KIF1C: variants seen among roughly 807,000 people sequenced by gnomAD.
KIF1C encodes the protein kinesin-like protein KIF1C.
Under a neutral mutation model 126.5 loss-of-function variants are expected in KIF1C, and 61 were observed. The observed-to-expected ratio is 0.48, with a 90% confidence interval of 0.39 to 0.60. The LOEUF (loss-of-function observed/expected upper bound fraction) is 0.60. KIF1C is among the 20% of genes least tolerant of loss of function. KIF1C has a pLI of 0.00. For synonymous variants in KIF1C, 640 were observed against 580.6 expected (o/e 1.10, Z -1.47); for missense variants, 1,315 against 1,489.2 (o/e 0.88, Z 1.93).
chr17:5,015,581 GCT>G (rs1974955105), intron 18 of KIF1C, among the ~76,000 whole-genome samples: 1 of 82,066 alleles, frequency 1.2e-5, no homozygotes, highest in Non-Finnish European at 2.5e-5. Context: ...ACTGCCCCCA[GCT>G]TTTTTTTTTT....
chr17:5,007,292 C>G lies in KIF1C; in HGVS notation c.1365C>G (p.Asn455Lys). The stretch of plus-strand genomic sequence containing the variant: ...CAGAGAAGATTATAGCTGAGCTGAA[C>G]GAGACATGGGAGGAGAAGCTACGCA... ...QETEKIIAEL[N>K]ETWEEKLRKT... The change falls in exon 15 of 23, where the codon AAC becomes AAG. Residue 455 changes from asparagine to lysine, a missense_variant. Physicochemically the swap from Asn to Lys is moderately conservative, Grantham distance 94. Coordinates refer to ENST00000320785, the MANE Select transcript of KIF1C (RefSeq NM_006612.6). 6.2e-7 allele frequency: 1 copy of G among 1,611,636 alleles called. No individual in the cohort carries two copies. The highest frequency in any genetic ancestry group is 8.5e-7 in the Non-Finnish European group (1 of 1,178,900).
Position 5,020,725 on chromosome 17 carries a change from T to C in KIF1C, c.1937+47T>C. The C allele has an allele frequency of 6.2e-7, 1 of 1,610,042 alleles. No individual in the cohort carries two copies. Among genetic ancestry groups the C allele is most frequent in the Non-Finnish European group, 8.5e-7 (1 of 1,177,420 alleles). On this transcript the variant is annotated intron_variant, in intron 20 of 22. Coordinates refer to ENST00000320785, the MANE Select transcript of KIF1C (RefSeq NM_006612.6). This position sits in a 1 kb window ranked among gnomAD's most constrained non-coding sequence, Gnocchi z 5.8. ...GCCCCATGGCCGTCTAGGCCGTCCCTCCCGGGCCTCTGGGCCCGTGTCCTC... is the reference window on the plus strand; with the variant it reads ...GCCCCATGGCCGTCTAGGCCGTCCCCCCCGGGCCTCTGGGCCCGTGTCCTC...
chr17:5,024,223 TC>T lies in KIF1C; in HGVS notation c.*76del. ...AAGGGAAGACGCCCGAGACGCTGCTTCCCCAGAAGTGCTGGGGCAGGGAGGC... is the reference window on the plus strand; with the variant it reads ...AAGGGAAGACGCCCGAGACGCTGCTTCCCAGAAGTGCTGGGGCAGGGAGGC... On this transcript the variant is annotated 3_prime_UTR_variant, in exon 23 of 23. Transcript: ENST00000320785. 2.7e-6 allele frequency: 3 copies of T among 1,114,946 alleles called. No individual in the cohort carries two copies. The highest frequency in any genetic ancestry group is 1.5e-5 in the South Asian group (1 of 67,626). 69.1% of individuals were successfully genotyped at this position (1,114,946 alleles called of 1,614,324 possible).
intron 18 of KIF1C, among the ~76,000 whole-genome samples, chr17:5,015,388 A>G (rs1248257756): frequency 2.6e-5 from 4 of 151,526 alleles, no homozygotes; most frequent in South Asian, 4.1e-4. Context: ...GGTTCAAGCA[A>G]TTCTCCTGCC....
intron 18 of KIF1C, among the ~76,000 whole-genome samples, chr17:5,016,902 TC>T (rs1974982674): frequency 7.2e-6 from 1 of 138,692 alleles, no homozygotes. Flanking sequence ...TGAGACTGTT[TC>T]AAAAAAAAAA....
In KIF1C at chr17:5,020,802, C is replaced by G. The variant is rs4790725; in HGVS notation, c.1938-4C>G. 0.079 allele frequency: 125,705 copies of G among 1,594,942 alleles called. 5,480 individuals carry two copies. Among genetic ancestry groups the G allele is most frequent in the Middle Eastern group, 0.17 (1,014 of 6,036 alleles). ...CTCTTCCTTCCCTCCCTGTCCAATCCCAGGCTGCAGGATCTGGAGAATCAG... is the reference window on the plus strand; with the variant it reads ...CTCTTCCTTCCCTCCCTGTCCAATCGCAGGCTGCAGGATCTGGAGAATCAG... On this transcript the variant is annotated splice_region_variant and splice_polypyrimidine_tract_variant and intron_variant, in intron 20 of 22. Coordinates refer to ENST00000320785, the MANE Select transcript of KIF1C (RefSeq NM_006612.6). The surrounding 1 kb of genome is among the most constrained non-coding windows in gnomAD (Gnocchi z 5.8).
intron 18 of KIF1C, among the ~76,000 whole-genome samples, chr17:5,016,973 G>T (rs547908203): frequency 6.6e-6 from 1 of 151,800 alleles, no homozygotes; most frequent in South Asian, 2.1e-4. Context: ...CAAGGCAGTT[G>T]TTCTGGTCTG....
chr17:5,002,808 G>C lies in KIF1C; in HGVS notation c.686G>C (p.Cys229Ser). The change falls in exon 8 of 23, where the codon TGC (cysteine) becomes TCC (serine). Residue 229 changes from cysteine to serine, a missense_variant. Transcript: ENST00000320785. ...TTTACCATCGTCTTCACACAGCGCT[G>C]CCATGACCAGCTCACGGGGCTGGAC... ...AVFTIVFTQRCHDQLTGLDSE... is the reference protein window; with the variant it reads ...AVFTIVFTQRSHDQLTGLDSE... The C allele has an allele frequency of 6.2e-7, 1 of 1,613,580 alleles. No individual in the cohort carries two copies. Among genetic ancestry groups the C allele is most frequent in the Non-Finnish European group, 8.5e-7 (1 of 1,179,850 alleles).
At chr17:5,007,863 C>G (rs766952735) in intron 16 of KIF1C, among the ~76,000 whole-genome samples, 6 of 152,136 alleles carry the variant, frequency 3.9e-5, no homozygotes, top group Non-Finnish European at 5.9e-5. Flanking sequence ...CTAAAGAAAT[C>G]TATTTTTCAG....
intron 21 of KIF1C, among the ~76,000 whole-genome samples, chr17:5,021,782 G>C (rs1325448620): frequency 3.3e-5 from 5 of 151,996 alleles, no homozygotes; most frequent in Non-Finnish European, 1.5e-5. Flanking sequence ...ACCCCTCAAT[G>C]GTCTTTTAAG....
chr17:5,001,678 G>T (rs1974596974), intron 5 of KIF1C, among the ~76,000 whole-genome samples: 1 of 152,202 alleles, frequency 6.6e-6, no homozygotes, highest in Non-Finnish European at 1.5e-5. Context: ...TGTTTTACTT[G>T]GTTTCATAAT....
At position 5,019,986 on chromosome 17, in the gene KIF1C, C is replaced by T. The variant is rs755954031; in HGVS notation, c.1667-10C>T. On this transcript the variant is annotated splice_polypyrimidine_tract_variant and intron_variant, in intron 18 of 22. Coordinates refer to ENST00000320785, the MANE Select transcript of KIF1C (RefSeq NM_006612.6). ...TCTAATCTTTCCCCTTCCTCTGCCC[C>T]TCCATTCAGTGGTGGTCACTCTGGA... 5.3e-5 allele frequency: 84 copies of T among 1,595,722 alleles called. No individual in the cohort carries two copies. The highest frequency in any genetic ancestry group is 6.9e-5 in the Non-Finnish European group (81 of 1,170,418).
chr17:5,002,561 C>T lies in KIF1C; in HGVS notation c.527C>T (p.Pro176Leu), dbSNP rs772475828. The stretch of plus-strand genomic sequence containing the variant: ...GTCCGGGAGCACCCCATCCTGGGCC[C>T]GTACGTGCAGGACCTGTCCAAATTG... The part of the protein sequence containing the change: ...LRVREHPILG[P>L]YVQDLSKLAV... Residue 176 changes from proline (P) to leucine (L), a missense_variant, in exon 7 of 23, where the codon CCG becomes CTG. By Grantham distance (98) the Pro-to-Leu change is moderately conservative (BLOSUM62 -3). Around this residue, in one of 2 missense-constraint regions of KIF1C, gnomAD observed 874 missense variants for 1,053.2 expected, o/e 0.83. Transcript: ENST00000320785. 12 of 1,613,960 alleles carry T rather than the reference C, an allele frequency of 7.4e-6. No homozygotes were observed. Among genetic ancestry groups the T allele is most frequent in the East Asian group, 2.2e-5 (1 of 44,898 alleles).
In KIF1C at chr17:5,023,955, G is replaced by A. The variant is rs775842918; in HGVS notation, c.3116G>A (p.Arg1039Gln). 16 of 1,577,614 alleles carry A rather than the reference G, an allele frequency of 1.0e-5. No individual in the cohort carries two copies. Among genetic ancestry groups the A allele is most frequent in the East Asian group, 6.8e-5 (3 of 44,236 alleles). The change falls in exon 23 of 23, where the codon CGA (arginine) becomes CAA (glutamine). Residue 1039 changes from arginine (R) to glutamine (Q), a missense_variant. By Grantham distance (43) the Arg-to-Gln change is conservative. Transcript: ENST00000320785. The surrounding 1 kb of genome is among the most constrained non-coding windows in gnomAD (Gnocchi z 4.2). ...AGGAACTCCCTGGATGGAGGGGGCC[G>A]ATCCCGGGGAGCGGGTTCTGCACAG... ...PRRNSLDGGG[R>Q]SRGAGSAQPE...
chr17:5,004,782 G>A, intron 12 of KIF1C, 73 bp from the exon 13 acceptor site: 3 of 1,606,594 alleles, frequency 1.9e-6, no homozygotes, highest in Admixed American at 1.7e-5. Flanking sequence ...ACCTGGGAGA[G>A]GGGGAAGGAG....
rs1974424742 is a variant in KIF1C, at chr17:4,997,995, C to T, written c.-310C>T. ...GCGCCGGCCGCTGGCGCCGCTACTG[C>T]TGCCGCCCCCGGGGCGCGAGTCCGC... On this transcript the variant is annotated 5_prime_UTR_variant, in exon 1 of 23. Coordinates refer to ENST00000320785, the MANE Select transcript of KIF1C (RefSeq NM_006612.6). The T allele has an allele frequency of 6.8e-6, 1 of 147,154 alleles. No homozygotes were observed. 9.1% of individuals were successfully genotyped at this position (147,154 alleles called of 1,614,324 possible).
In KIF1C at chr17:5,023,480, G is replaced by A. The variant is rs1480866105; in HGVS notation, c.2641G>A (p.Glu881Lys). 4.3e-6 allele frequency: 7 copies of A among 1,613,844 alleles called. No homozygotes were observed. The highest frequency in any genetic ancestry group is 1.3e-5 in the African/African-American group (1 of 74,898). Reference protein sequence around the residue: ...VIPLAQDHEDENEEGGEVPWA... With the variant: ...VIPLAQDHEDKNEEGGEVPWA... ...TCCTCCCTCCCAGGATCATGAGGAT[G>A]AGAATGAAGAAGGTGGTGAGGTCCC... Residue 881 changes from glutamate to lysine, a missense_variant, in exon 23 of 23, where the codon GAG becomes AAG. Coordinates refer to ENST00000320785, the MANE Select transcript of KIF1C (RefSeq NM_006612.6). This position sits in a 1 kb window ranked among gnomAD's most constrained non-coding sequence, Gnocchi z 4.2.
intron 16 of KIF1C, chr17:5,011,983 G>A (rs1448121308): frequency 6.6e-6 from 1 of 152,160 alleles, no homozygotes; most frequent in Non-Finnish European, 1.5e-5. Flanking sequence ...CTCTTTGCAT[G>A]TGAGTCCCTC....
At chr17:5,008,970 C>T (rs1974797259) in intron 16 of KIF1C, among the ~76,000 whole-genome samples, 1 of 152,082 alleles carries the variant, frequency 6.6e-6, no homozygotes, top group Non-Finnish European at 1.5e-5. Context: ...GCAGAGATGC[C>T]ACCTGCCAAA....
Sources: gnomAD v4.1 joint callset for allele counts (sites outside exome capture counted in the v4.1 genomes callset) on GRCh38, gnomAD v4.1.1 for gene constraint, gnomAD v4.1.1 regional missense constraint, Gnocchi (gnomAD v3.1) non-coding constraint, MANE v1.5 for transcripts, NCBI Gene and HGNC (gene_info 2026-07-23, HGNC 2026-07-21) for gene names.